Variants in VSNL1 observed in about 807,000 individuals in gnomAD.
VSNL1 encodes visinin-like protein 1.
Under a neutral mutation model 20.4 loss-of-function variants are expected in VSNL1, and 6 were observed. The observed-to-expected ratio is 0.29, with a 90% confidence interval of 0.16 to 0.58. The LOEUF is 0.58. Ranked by LOEUF, VSNL1 falls within the 20% of genes least tolerant of loss-of-function variation. The pLI is 0.90. For missense variants in VSNL1, 100 were observed against 234.5 expected (o/e 0.43, Z 3.75); for synonymous variants, 93 against 86.4 (o/e 1.08, Z -0.42).
chr2:17,613,521 G>A (rs1424660911), intron 2 of VSNL1, among the ~76,000 whole-genome samples: 1 of 152,200 alleles, frequency 6.6e-6, no homozygotes, highest in Non-Finnish European at 1.5e-5. Flanking sequence ...CATAACAGAT[G>A]TTTCCCTTCT....
intron 2 of VSNL1, among the ~76,000 whole-genome samples, chr2:17,608,302 C>T (rs75720197): frequency 3.3e-5 from 5 of 152,268 alleles, no homozygotes; most frequent in African/African-American, 1.2e-4. Context: ...TTATTTTTAT[C>T]CATGTTCTTT....
Position 17,605,195 on chromosome 2 carries a change from G to A in VSNL1, c.162+12959G>A, listed in dbSNP as rs142467836. ...GTCACTCTAATTATGACTGGGGATA[G>A]AGTATGGGGTTGAGGAAGCTGGCAC... is the stretch of plus-strand genomic sequence containing the variant. On this transcript the variant is annotated intron_variant, in intron 2 of 3. Coordinates refer to ENST00000295156, the MANE Select transcript of VSNL1 (RefSeq NM_003385.5). 3.5e-3 allele frequency among the ~76,000 whole-genome samples: 527 copies of A among 152,360 alleles called. 3 individuals are homozygous for A. Among genetic ancestry groups the A allele is most frequent in the African/African-American group, 1.0e-2 (414 of 41,574 alleles).
At position 17,638,291 on chromosome 2, in the gene VSNL1, G is replaced by A. The variant is rs952684508; in HGVS notation, c.163-11119G>A. ...GAACCTACTTCATAGGATTGTTGGC[G>A]GATTACACAATTCAATATGGGTAAT... On this transcript the variant is annotated intron_variant, in intron 2 of 3. Coordinates refer to ENST00000295156, the MANE Select transcript of VSNL1 (RefSeq NM_003385.5). Among the ~76,000 whole-genome samples the A allele has an allele frequency of 2.6e-5, 4 of 152,220 alleles. No homozygotes were observed. The East Asian group carries it at 5.8e-4, about 22-fold the overall frequency.
intron 1 of VSNL1, among the ~76,000 whole-genome samples, chr2:17,586,748 C>T (rs62132087): frequency 0.042 from 6,418 of 152,178 alleles, 146 homozygotes; most frequent in East Asian, 0.089. Context: ...CATTATTAAC[C>T]ACAATATCAA....
chr2:17,570,336 C>T (rs72785720), intron 1 of VSNL1, among the ~76,000 whole-genome samples: 1,673 of 152,304 alleles, frequency 0.011, 18 homozygotes, highest in Non-Finnish European at 0.017. Flanking sequence ...TAGGGCTACA[C>T]ACCAGCCCTA....
chr2:17,554,904 T>C (rs1663636617), intron 1 of VSNL1, among the ~76,000 whole-genome samples: 1 of 152,216 alleles, frequency 6.6e-6, no homozygotes, highest in South Asian at 2.1e-4. Flanking sequence ...AGCAGAAACA[T>C]GATCTTTTCA....
chr2:17,554,582 C>G (rs1663629322), intron 1 of VSNL1, among the ~76,000 whole-genome samples: 1 of 151,998 alleles, frequency 6.6e-6, no homozygotes, highest in Non-Finnish European at 1.5e-5. Context: ...TAACAAAACT[C>G]TAACAACCAG....
Position 17,655,015 on chromosome 2 carries a change from G to C in VSNL1, c.379-182G>C, listed in dbSNP as rs1023242487. Reference sequence around the variant, plus strand: ...TTTTAATAAAGGTGAGATGTATTCTGTTGGGGGAAATGGTATGGGTTGTCA... The same window carrying C: ...TTTTAATAAAGGTGAGATGTATTCTCTTGGGGGAAATGGTATGGGTTGTCA... On this transcript the variant is annotated intron_variant, in intron 3 of 3. Transcript: ENST00000295156. The surrounding 1 kb of genome is among the most constrained non-coding windows in gnomAD (Gnocchi z 5.2). 6.6e-6 allele frequency among the ~76,000 whole-genome samples: 1 copy of C among 152,214 alleles called. No individual in the cohort carries two copies. The highest frequency in any genetic ancestry group is 2.4e-5 in the African/African-American group (1 of 41,450).
chr2:17,648,525 T>C (rs1367873720), intron 2 of VSNL1, among the ~76,000 whole-genome samples: 5 of 152,276 alleles, frequency 3.3e-5, no homozygotes, highest in Non-Finnish European at 4.4e-5. Context: ...CCAGATTTAT[T>C]CATCCAGAAA....
At chr2:17,603,358 G>A (rs1320258927) in intron 2 of VSNL1, among the ~76,000 whole-genome samples, 1 of 152,182 alleles carries the variant, frequency 6.6e-6, no homozygotes, top group Non-Finnish European at 1.5e-5. Context: ...GGTGAAAGAG[G>A]CCAGTGAGCT....
chr2:17,634,201 G>C lies in VSNL1; in HGVS notation c.163-15209G>C, dbSNP rs922990131. ...GATGCGCTCACTCATTGTAACAGCA[G>C]TGTGCAGGCGAGAATCAGGGCTGGC... On this transcript the variant is annotated intron_variant, in intron 2 of 3. Coordinates refer to ENST00000295156, the MANE Select transcript of VSNL1 (RefSeq NM_003385.5). This position sits in a 1 kb window ranked among gnomAD's most constrained non-coding sequence, Gnocchi z 4.3. Among the ~76,000 whole-genome samples the C allele has an allele frequency of 6.6e-6, 1 of 152,198 alleles. No individual in the cohort carries two copies. Among genetic ancestry groups the C allele is most frequent in the African/African-American group, 2.4e-5 (1 of 41,448 alleles).
intron 2 of VSNL1, among the ~76,000 whole-genome samples, chr2:17,593,912 A>G (rs1011048556): frequency 1.3e-5 from 2 of 152,186 alleles, no homozygotes; most frequent in Non-Finnish European, 2.9e-5. Flanking sequence ...TCTCAACCAC[A>G]AAGAAAGTAC....
At chr2:17,594,440 A>C (rs543448119) in intron 2 of VSNL1, among the ~76,000 whole-genome samples, 1 of 152,380 alleles carries the variant, frequency 6.6e-6, no homozygotes, top group African/African-American at 2.4e-5. Context: ...CGGATCTGAT[A>C]AGCTGGAAAG....
intron 2 of VSNL1, among the ~76,000 whole-genome samples, chr2:17,615,495 A>T (rs376197602): frequency 7.9e-5 from 12 of 152,100 alleles, no homozygotes; most frequent in Admixed American, 2.6e-4. Context: ...ACCTCCTCTA[A>T]CTCCCTTTGC....
intron 1 of VSNL1, among the ~76,000 whole-genome samples, chr2:17,583,893 C>T (rs1445243306): frequency 6.6e-6 from 1 of 152,166 alleles, no homozygotes; most frequent in African/African-American, 2.4e-5. Context: ...CTTGAACAGT[C>T]CCCCTCTCCA....
chr2:17,573,040 T>C (rs16983644), intron 1 of VSNL1, among the ~76,000 whole-genome samples: 5,862 of 152,340 alleles, frequency 0.038, 184 homozygotes, highest in African/African-American at 0.084. Flanking sequence ...CAGAGGAGAT[T>C]ATGACTAGAG....
At position 17,655,319 on chromosome 2, in the gene VSNL1, A is replaced by G. The variant is rs750533007; in HGVS notation, c.501A>G (p.Thr167=). Reference sequence around the variant, plus strand: ...ATAAGAACAAAGATGACCAGATTACACTGGATGAATTCAAAGAAGCTGCAA... The same window carrying G: ...ATAAGAACAAAGATGACCAGATTACGCTGGATGAATTCAAAGAAGCTGCAA... The part of the protein sequence containing the change: ...KMDKNKDDQI[T]LDEFKEAAKS... Residue 167 remains threonine, a synonymous_variant, in exon 4 of 4, where the codon ACA becomes ACG. Coordinates refer to ENST00000295156, the MANE Select transcript of VSNL1 (RefSeq NM_003385.5). This position sits in a 1 kb window ranked among gnomAD's most constrained non-coding sequence, Gnocchi z 5.2. The G allele has an allele frequency of 1.9e-6, 3 of 1,614,154 alleles. No individual in the cohort carries two copies. The highest frequency in any genetic ancestry group is 3.3e-5 in the Admixed American group (2 of 60,024).
chr2:17,619,338 A>T (rs982080295), intron 2 of VSNL1, among the ~76,000 whole-genome samples: 14 of 152,200 alleles, frequency 9.2e-5, no homozygotes, highest in Admixed American at 4.6e-4. Context: ...ATCTTGGTCC[A>T]TCTTCTCAGC....
At chr2:17,577,077 A>G (rs536541301) in intron 1 of VSNL1, among the ~76,000 whole-genome samples, 2 of 152,380 alleles carry the variant, frequency 1.3e-5, no homozygotes, top group Non-Finnish European at 2.9e-5. Context: ...TGTACTGAGT[A>G]CTGTAGGCAA....
Sources: allele counts gnomAD v4.1 joint callset (sites outside exome capture counted in the v4.1 genomes callset), GRCh38; gene constraint gnomAD v4.1.1; non-coding constraint Gnocchi (gnomAD v3.1); transcripts MANE v1.5; gene names NCBI Gene and HGNC (gene_info 2026-07-23, HGNC 2026-07-21).